Variants in PCDH15 observed in about 807,000 individuals in gnomAD.
The protein encoded by PCDH15 is protocadherin-15.
PCDH15 carries 129 observed loss-of-function variants against 178.5 expected under a neutral mutation model. The ratio of observed to expected loss-of-function variants is 0.72; its 90% CI spans 0.63 to 0.84. PCDH15 has a LOEUF of 0.84. PCDH15 is among the 40% of genes least tolerant of loss of function. The probability of loss-of-function intolerance (pLI) is 0.00; values close to 1 mark genes in which losing one functional copy is unlikely to be tolerated. For missense variants in PCDH15, 2,230 were observed against 2,099.9 expected, an observed-to-expected ratio of 1.06 and a Z score of -1.21; for synonymous variants, 800 against 732.0, an observed-to-expected ratio of 1.09 and a Z score of -1.50.
chr10:55,202,732 A>G (rs1356866833), intron 1 of PCDH15, among the ~76,000 whole-genome samples: 2 of 152,136 alleles, frequency 1.3e-5, no homozygotes, highest in East Asian at 3.9e-4. Context: ...TGGGATATGA[A>G]GAAATCATGG....
intron 9 of PCDH15, among the ~76,000 whole-genome samples, chr10:54,222,781 G>A (rs2052990210): frequency 6.6e-6 from 1 of 151,582 alleles, no homozygotes; most frequent in African/African-American, 2.4e-5. Context: ...TTATAAATCT[G>A]TAATAATTTG....
chr10:54,648,750 TTGAA>T (rs939206682), intron 2 of PCDH15, among the ~76,000 whole-genome samples: 1 of 152,162 alleles, frequency 6.6e-6, no homozygotes, highest in Non-Finnish European at 1.5e-5. Flanking sequence ...CTTGCTATAC[TTGAA>T]TGAATGAATG....
At chr10:54,536,579 T>C (rs1382216222) in intron 2 of PCDH15, among the ~76,000 whole-genome samples, 2 of 152,164 alleles carry the variant, frequency 1.3e-5, no homozygotes, top group East Asian at 1.9e-4. Flanking sequence ...TGGGATATGA[T>C]TGATTCCATC....
intron 20 of PCDH15, among the ~76,000 whole-genome samples, chr10:53,998,423 G>C (rs1280626167): frequency 6.6e-6 from 1 of 152,026 alleles, no homozygotes. Context: ...ATACCTGAAG[G>C]TGTAGGTAGC....
intron 2 of PCDH15, among the ~76,000 whole-genome samples, chr10:55,508,248 T>C (rs766363104): frequency 6.6e-6 from 1 of 151,758 alleles, no homozygotes; most frequent in Non-Finnish European, 1.5e-5. Flanking sequence ...TGCTATCCTT[T>C]GGTTCAATGA....
chr10:55,421,508 A>C (rs2132046032), intron 2 of PCDH15, among the ~76,000 whole-genome samples: 1 of 150,094 alleles, frequency 6.7e-6, no homozygotes, highest in South Asian at 2.1e-4. Context: ...CATTTCATAT[A>C]GCATACTAGA....
At chr10:55,570,414 G>T (rs1029209253) in intron 2 of PCDH15, among the ~76,000 whole-genome samples, 2 of 151,888 alleles carry the variant, frequency 1.3e-5, no homozygotes, top group Admixed American at 6.6e-5. Flanking sequence ...AGTATTAATA[G>T]AAATAATTTA....
chr10:54,974,841 A>G (rs1325344153), intron 2 of PCDH15, among the ~76,000 whole-genome samples: 5 of 152,214 alleles, frequency 3.3e-5, no homozygotes, highest in African/African-American at 1.2e-4. Context: ...CATGAATTTT[A>G]GAGAACTTTT....
intron 8 of PCDH15, among the ~76,000 whole-genome samples, chr10:54,289,381 C>T (rs1377578876): frequency 6.6e-6 from 1 of 152,164 alleles, no homozygotes; most frequent in Admixed American, 6.5e-5. Context: ...TACCAAAACC[C>T]CATCTGTGGG....
intron 1 of PCDH15, among the ~76,000 whole-genome samples, chr10:54,696,949 A>G (rs2095236740): frequency 6.6e-6 from 1 of 152,024 alleles, no homozygotes; most frequent in African/African-American, 2.4e-5. Context: ...TACAGTGGAA[A>G]TTTACGTTTC....
chr10:54,520,695 C>T lies in PCDH15; in HGVS notation c.157+7117G>A, dbSNP rs541916307. Among the ~76,000 whole-genome samples, 17 of 151,210 alleles carry T rather than the reference C, an allele frequency of 1.1e-4. No individual in the cohort carries two copies. In the South Asian group the frequency reaches 2.5e-3, roughly 23 times the overall value. On this transcript the variant is annotated intron_variant, in intron 3 of 37. Coordinates refer to ENST00000644397, the MANE Select transcript of PCDH15 (RefSeq NM_001384140.1). ...TCTAGAACTAGATATACCATTTGAC[C>T]CAGCCATCCCATTACTGGATATATA...
At chr10:55,303,366 T>C (rs994182321) in intron 1 of PCDH15, among the ~76,000 whole-genome samples, 3 of 152,148 alleles carry the variant, frequency 2.0e-5, no homozygotes, top group Admixed American at 6.6e-5. Context: ...ACATTAATCA[T>C]AGGGAATGGT....
chr10:54,158,309 T>C (rs1475500267), intron 13 of PCDH15, among the ~76,000 whole-genome samples: 1 of 152,154 alleles, frequency 6.6e-6, no homozygotes, highest in Admixed American at 6.6e-5. Flanking sequence ...CAGAAGGTGG[T>C]AGCAGATAAG....
intron 9 of PCDH15, among the ~76,000 whole-genome samples, chr10:54,227,872 A>G (rs1488256836): frequency 2.0e-5 from 3 of 152,186 alleles, no homozygotes; most frequent in Admixed American, 6.5e-5. Flanking sequence ...TTGCTAAAAC[A>G]TAACAAGAGT....
chr10:53,972,936 A>G (rs925781609), intron 21 of PCDH15, among the ~76,000 whole-genome samples: 1 of 152,188 alleles, frequency 6.6e-6, no homozygotes, highest in Non-Finnish European at 1.5e-5. Context: ...CCATCGCATT[A>G]CTGGGCATAT....
rs1347306483 is a variant in PCDH15 at position 54,099,513 on chromosome 10, A to AAAAAAAAAAT, written c.1918-9451_1918-9450insATTTTTTTTT. Among the ~76,000 whole-genome samples the AAAAAAAAAAT allele has an allele frequency of 1.0e-3, 123 of 117,840 alleles. 3 individuals carry two copies. Among genetic ancestry groups the AAAAAAAAAAT allele is most frequent in the African/African-American group, 3.5e-3 (91 of 26,110 alleles). 77.3% of individuals were successfully genotyped at this position (117,840 alleles called of 152,430 possible). A position where few individuals can be genotyped will look rare whatever the true frequency, so the allele number is the denominator to read the frequency against. ...GACTCCATCTCAAAAAAAAAAAAAA[A>AAAAAAAAAAT]ATATATATATATATATATAAAACAA... On this transcript the variant is annotated intron_variant, in intron 15 of 37. Transcript: ENST00000644397.
At chr10:54,123,237 TACAGA>T (rs1164288121) in intron 15 of PCDH15, among the ~76,000 whole-genome samples, 4 of 152,066 alleles carry the variant, frequency 2.6e-5, no homozygotes, top group Non-Finnish European at 4.4e-5. Context: ...ACAGATAACC[TACAGA>T]ACAGGAGAGA....
chr10:54,143,464 G>A (rs1003279272), intron 14 of PCDH15, among the ~76,000 whole-genome samples: 15 of 152,036 alleles, frequency 9.9e-5, no homozygotes, highest in African/African-American at 2.7e-4. Context: ...TTTGGTGTTC[G>A]TGAAAAGAAC....
At chr10:54,466,482 C>T (rs1031398539) in intron 3 of PCDH15, among the ~76,000 whole-genome samples, 3 of 151,922 alleles carry the variant, frequency 2.0e-5, no homozygotes, top group African/African-American at 7.2e-5. Flanking sequence ...AATCAGCTGG[C>T]TGTAAATACA....
Sources: gnomAD v4.1 joint callset for allele counts (sites outside exome capture counted in the v4.1 genomes callset) on GRCh38, gnomAD v4.1.1 for gene constraint, MANE v1.5 for transcripts, NCBI Gene and HGNC (gene_info 2026-07-23, HGNC 2026-07-21) for gene names.